The following NEGR1 variants were observed in gnomAD, a reference collection of about 807,000 sequenced individuals.
The protein encoded by NEGR1 is IgLON family member 4.
In NEGR1, 10 loss-of-function variants were observed where a neutral mutation model predicts 40.9. The ratio of observed to expected loss-of-function variants is 0.24; its 90% CI spans 0.15 to 0.42. The LOEUF (loss-of-function observed/expected upper bound fraction) is 0.42. Among genes scored for constraint, NEGR1 ranks in the 10% least tolerant of loss-of-function variants. The probability of loss-of-function intolerance (pLI) is 1.00; values close to 1 mark genes in which losing one functional copy is unlikely to be tolerated. For synonymous variants in NEGR1, 185 were observed against 166.8 expected, an observed-to-expected ratio of 1.11 and a Z score of -0.84; for missense variants, 352 against 438.9, an observed-to-expected ratio of 0.80 and a Z score of 1.77.
chr1:71,761,936 C>T (rs1004486140), intron 3 of NEGR1, among the ~76,000 whole-genome samples: 1 of 151,858 alleles, frequency 6.6e-6, no homozygotes, highest in African/African-American at 2.4e-5. Flanking sequence ...TTGAGTTTTC[C>T]AAGTTTGCTT....
intron 1 of NEGR1, among the ~76,000 whole-genome samples, chr1:72,272,777 T>C (rs1570208869): frequency 1.3e-5 from 2 of 151,980 alleles, no homozygotes; most frequent in African/African-American, 4.8e-5. Context: ...TATGTCCAAA[T>C]GACTTAGAAA....
chr1:71,902,317 T>C (rs189744408), intron 2 of NEGR1, among the ~76,000 whole-genome samples: 2 of 152,352 alleles, frequency 1.3e-5, no homozygotes, highest in Admixed American at 1.3e-4. Context: ...GCTTGTTTAA[T>C]ACAAGGGCAT....
At chr1:71,982,168 ATC>A (rs1483641948) in intron 1 of NEGR1, among the ~76,000 whole-genome samples, 1 of 152,160 alleles carries the variant, frequency 6.6e-6, no homozygotes, top group Non-Finnish European at 1.5e-5. Flanking sequence ...AAAAAAGGAA[ATC>A]TCTCTTTTTT....
At chr1:71,600,095 CTTT>C (rs1179459073) in intron 5 of NEGR1, among the ~76,000 whole-genome samples, 9 of 152,146 alleles carry the variant, frequency 5.9e-5, no homozygotes, top group African/African-American at 2.2e-4. Flanking sequence ...AATCAGCTTC[CTTT>C]CTCTGATCAT....
chr1:71,798,914 A>C (rs1254339524), intron 2 of NEGR1, among the ~76,000 whole-genome samples: 1 of 152,198 alleles, frequency 6.6e-6, no homozygotes, highest in African/African-American at 2.4e-5. Context: ...AGTTTATATA[A>C]GTAGCCGAAG....
intron 4 of NEGR1, among the ~76,000 whole-genome samples, chr1:71,626,811 A>C (rs574906773): frequency 6.6e-6 from 1 of 152,240 alleles, no homozygotes; most frequent in African/African-American, 2.4e-5. Flanking sequence ...AAAAAAACAA[A>C]CAACCCCATC....
rs1039824802 is a variant in NEGR1 at position 72,181,875 on chromosome 1, G to C, written c.176+100444C>G. ...AGAGAATGAAACAGCAGTTACCAGA[G>C]GTTGGGAGAAGGACAGAGGGGAGAA... On this transcript the variant is annotated intron_variant, in intron 1 of 6. Coordinates refer to ENST00000357731, the MANE Select transcript of NEGR1 (RefSeq NM_173808.3). 1.2e-4 allele frequency among the ~76,000 whole-genome samples: 18 copies of C among 152,236 alleles called. No homozygotes were observed. The South Asian group carries it at 1.2e-3, about 11-fold the overall frequency.
At chr1:71,531,416 TG>T (rs1425683078) in intron 6 of NEGR1, among the ~76,000 whole-genome samples, 1 of 151,338 alleles carries the variant, frequency 6.6e-6, no homozygotes. Context: ...CATAGCTATA[TG>T]GAAGTTACTT....
At chr1:71,659,300 G>A (rs1388467485) in intron 4 of NEGR1, among the ~76,000 whole-genome samples, 1 of 152,092 alleles carries the variant, frequency 6.6e-6, no homozygotes, top group Non-Finnish European at 1.5e-5. Flanking sequence ...CTCTTCAATA[G>A]CCAAATTGTG....
chr1:72,103,574 T>C (rs373371634), intron 1 of NEGR1, among the ~76,000 whole-genome samples: 91 of 152,188 alleles, frequency 6.0e-4, no homozygotes, highest in African/African-American at 2.1e-3. Context: ...GAAATAATAA[T>C]CATGTCTAAA....
rs772081697 is a variant in NEGR1, at chr1:71,857,584, G to A, written c.409+77495C>T. Among the ~76,000 whole-genome samples, 8 of 119,834 alleles carry A rather than the reference G, an allele frequency of 6.7e-5. No homozygotes were observed. The South Asian group carries it at 8.3e-4, about 12-fold the overall frequency. The allele number at this position is 119,834 out of a possible 152,430, so 78.6% of individuals were successfully genotyped here. ...TCAGGTTGCAGTGAGCCAAGATCAC[G>A]CCACTGCACTCCAGCCTAGGTGACA... On this transcript the variant is annotated intron_variant, in intron 2 of 6. Coordinates refer to ENST00000357731, the MANE Select transcript of NEGR1 (RefSeq NM_173808.3).
rs536872554 is a variant in NEGR1 at position 71,450,852 on chromosome 1, A to C, written c.941-43282T>G. The stretch of plus-strand genomic sequence containing the variant: ...AAAAGGAAAACAAGAAAATAAGGGT[A>C]ACTTTTTCTTTTGTTTCTATACTTC... On this transcript the variant is annotated intron_variant, in intron 6 of 6. Transcript: ENST00000357731. Among the ~76,000 whole-genome samples, 10 of 152,166 alleles carry C rather than the reference A, an allele frequency of 6.6e-5. No individual in the cohort carries two copies. In the South Asian group the frequency reaches 2.1e-3, roughly 32 times the overall value.
intron 2 of NEGR1, among the ~76,000 whole-genome samples, chr1:71,863,624 T>A (rs1195657552): frequency 2.6e-5 from 4 of 152,088 alleles, no homozygotes; most frequent in African/African-American, 9.7e-5. Flanking sequence ...GAAAAAGAAA[T>A]ATGTGAATAC....
intron 6 of NEGR1, among the ~76,000 whole-genome samples, chr1:71,508,516 A>G (rs1647051125): frequency 2.0e-5 from 3 of 152,234 alleles, no homozygotes; most frequent in South Asian, 4.1e-4. Flanking sequence ...TCCCTACCCA[A>G]TCATGTTGGT....
chr1:72,047,349 G>A (rs1172266911), intron 1 of NEGR1, among the ~76,000 whole-genome samples: 1 of 151,448 alleles, frequency 6.6e-6, no homozygotes, highest in African/African-American at 2.4e-5. Flanking sequence ...CAGAAATAGA[G>A]TTAAAATCCA....
intron 1 of NEGR1, among the ~76,000 whole-genome samples, chr1:71,999,991 A>G (rs1294430343): frequency 6.6e-6 from 1 of 151,822 alleles, no homozygotes; most frequent in Non-Finnish European, 1.5e-5. Context: ...TATTTTGTGT[A>G]TGTCATTGTA....
At chr1:71,954,905 T>C (rs894503901) in intron 1 of NEGR1, among the ~76,000 whole-genome samples, 4 of 152,154 alleles carry the variant, frequency 2.6e-5, no homozygotes, top group African/African-American at 9.6e-5. Context: ...AAAATGTATA[T>C]GGTGATAACC....
chr1:72,056,244 T>C (rs1647109053), intron 1 of NEGR1, among the ~76,000 whole-genome samples: 2 of 151,350 alleles, frequency 1.3e-5, no homozygotes, highest in African/African-American at 2.4e-5. Flanking sequence ...TTGGTGTGTC[T>C]CACCCAGTTC....
At chr1:72,263,625 T>C (rs919341473) in intron 1 of NEGR1, among the ~76,000 whole-genome samples, 12 of 151,624 alleles carry the variant, frequency 7.9e-5, no homozygotes, top group Admixed American at 2.0e-4. Context: ...TTGTGATGAA[T>C]GTAGTCAGTC....
Sources: gnomAD v4.1 joint callset for allele counts (sites outside exome capture counted in the v4.1 genomes callset) on GRCh38, gnomAD v4.1.1 for gene constraint, MANE v1.5 for transcripts, NCBI Gene and HGNC (gene_info 2026-07-23, HGNC 2026-07-21) for gene names.